Variants in SPPL3 observed in about 807,000 individuals in gnomAD.
SPPL3 encodes signal peptide peptidase like 3, also known as signal peptide peptidase-like 3.
Under a neutral mutation model 42.4 loss-of-function variants are expected in SPPL3, and 5 were observed. The observed-to-expected ratio is 0.12, with a 90% CI of 0.06 to 0.25. The LOEUF (loss-of-function observed/expected upper bound fraction) is 0.25, where lower values mean the gene tolerates loss of function less well. Ranked by LOEUF, SPPL3 falls within the 10% of genes least tolerant of loss-of-function variation. The probability of loss-of-function intolerance (pLI) is 1.00; values close to 1 mark genes in which losing one functional copy is unlikely to be tolerated. For synonymous variants in SPPL3, 195 were observed against 181.8 expected (o/e 1.07, Z -0.58); for missense variants, 235 against 489.0 (o/e 0.48, Z 4.90).
chr12:120,767,152 T>C (rs1280715534), intron 9 of SPPL3, among the ~76,000 whole-genome samples: 2 of 152,244 alleles, frequency 1.3e-5, no homozygotes, highest in Non-Finnish European at 2.9e-5. Context: ...GTGCTGTGTG[T>C]CCTTGGCTTT....
chr12:120,836,452 G>A (rs1871623960), intron 1 of SPPL3, among the ~76,000 whole-genome samples: 1 of 152,118 alleles, frequency 6.6e-6, no homozygotes, highest in South Asian at 2.1e-4. Flanking sequence ...TCAACAAAAA[G>A]CCAGTACCAA....
intron 3 of SPPL3, among the ~76,000 whole-genome samples, chr12:120,788,270 G>A (rs1448431804): frequency 1.3e-5 from 2 of 152,120 alleles, no homozygotes; most frequent in African/African-American, 4.8e-5. Flanking sequence ...GCTTTCTAAT[G>A]AGTTGAGTGC....
chr12:120,811,934 A>T (rs774462286), intron 1 of SPPL3, among the ~76,000 whole-genome samples: 7 of 152,288 alleles, frequency 4.6e-5, no homozygotes, highest in East Asian at 1.9e-4. Context: ...ATGATAATGT[A>T]TATTAGGTAG....
chr12:120,836,711 T>C (rs1249224942), intron 1 of SPPL3, among the ~76,000 whole-genome samples: 2 of 152,274 alleles, frequency 1.3e-5, no homozygotes, highest in African/African-American at 4.8e-5. Flanking sequence ...GGGATATGCT[T>C]ACAAAAGGGC....
At chr12:120,829,213 C>T (rs777059606) in intron 1 of SPPL3, among the ~76,000 whole-genome samples, 4 of 152,138 alleles carry the variant, frequency 2.6e-5, no homozygotes, top group South Asian at 2.1e-4. Context: ...ACAGAAAAAT[C>T]TTTGTGACAT....
At chr12:120,814,875 A>G (rs1277716194) in intron 1 of SPPL3, among the ~76,000 whole-genome samples, 1 of 152,170 alleles carries the variant, frequency 6.6e-6, no homozygotes, top group East Asian at 1.9e-4. Context: ...CCCTTTTACA[A>G]TATAGCCTAG....
At position 120,822,392 on chromosome 12, in the gene SPPL3, C is replaced by A. The variant is rs1871098749; in HGVS notation, c.24-11506G>T. ...AAAGATTATTCCCTGCCATTTAATG[C>A]TGATAATAGTTTTAGAAATGATTCT... On this transcript the variant is annotated intron_variant, in intron 1 of 10. Transcript: ENST00000353487. Among the ~76,000 whole-genome samples the A allele has an allele frequency of 2.0e-5, 3 of 152,138 alleles. No homozygotes were observed. The South Asian group carries it at 6.2e-4, about 32-fold the overall frequency.
At chr12:120,852,127 C>T (rs1272431184) in intron 1 of SPPL3, among the ~76,000 whole-genome samples, 5 of 151,750 alleles carry the variant, frequency 3.3e-5, no homozygotes, top group South Asian at 2.1e-4. Flanking sequence ...TGCAGGCCTG[C>T]GCTCCTCACA....
intron 1 of SPPL3, among the ~76,000 whole-genome samples, chr12:120,815,769 C>A (rs565518843): frequency 1.3e-5 from 2 of 152,162 alleles, no homozygotes; most frequent in South Asian, 4.2e-4. Flanking sequence ...CTCTGTCGCC[C>A]AGTCTGGAGT....
In SPPL3 at chr12:120,852,799, T is replaced by TAC. The variant is rs1872291197; in HGVS notation, c.24-41914_24-41913insGT. Among the ~76,000 whole-genome samples the TAC allele has an allele frequency of 1.6e-4, 16 of 100,278 alleles. 2 individuals carry two copies. The highest frequency in any genetic ancestry group is 2.7e-4 in the Non-Finnish European group (13 of 47,650). The allele number at this position is 100,278 out of a possible 152,430, so 65.8% of individuals were successfully genotyped here. On this transcript the variant is annotated intron_variant, in intron 1 of 10. Transcript: ENST00000353487. Reference sequence around the variant, plus strand: ...TATAAAATATATTTCATATATCATATATACATATATGAAATATATATTTCA... The same window carrying TAC: ...TATAAAATATATTTCATATATCATATACATACATATATGAAATATATATTTCA...
chr12:120,861,224 A>C (rs1872609095), intron 1 of SPPL3, among the ~76,000 whole-genome samples: 2 of 152,200 alleles, frequency 1.3e-5, no homozygotes, highest in Non-Finnish European at 2.9e-5. Flanking sequence ...GCATGAAAGC[A>C]GCCATAGATG....
intron 2 of SPPL3, 146 bp downstream of exon 2, chr12:120,810,663 A>T: frequency 1.5e-6 from 1 of 666,922 alleles, no homozygotes; most frequent in South Asian, 1.9e-5. Flanking sequence ...CAATTAAAGA[A>T]CAAATAGCAG....
chr12:120,768,840 G>C (rs974923854), intron 7 of SPPL3, 113 bp downstream of exon 7: 3 of 864,552 alleles, frequency 3.5e-6, no homozygotes, highest in African/African-American at 1.7e-5. Flanking sequence ...GAGAGAGAGT[G>C]ATCAGCAGCT....
chr12:120,846,764 G>A (rs886079083), intron 1 of SPPL3, among the ~76,000 whole-genome samples: 1 of 152,162 alleles, frequency 6.6e-6, no homozygotes, highest in Non-Finnish European at 1.5e-5. Context: ...GTCATGTTTT[G>A]AGCATTTAGT....
At chr12:120,784,654 C>A (rs985869686) in intron 3 of SPPL3, 61 bp from the exon 4 acceptor site, 2 of 1,378,578 alleles carry the variant, frequency 1.5e-6, no homozygotes, top group Admixed American at 4.6e-5. Context: ...TGCCTATGCA[C>A]TTCATATACA....
At chr12:120,884,101 CA>C (rs33918080) in intron 1 of SPPL3, among the ~76,000 whole-genome samples, 43,157 of 123,758 alleles carry the variant, frequency 0.35, 6,626 homozygotes, top group East Asian at 0.41. Context: ...AACTATGTCT[CA>C]AAAAAAAAAA....
intron 1 of SPPL3, among the ~76,000 whole-genome samples, chr12:120,864,008 A>G (rs999131068): frequency 3.3e-5 from 5 of 152,022 alleles, no homozygotes; most frequent in Non-Finnish European, 5.9e-5. Context: ...GTTAGCTCCA[A>G]TGTAAAATCT....
At chr12:120,880,605 G>A (rs1055078155) in intron 1 of SPPL3, among the ~76,000 whole-genome samples, 4 of 151,774 alleles carry the variant, frequency 2.6e-5, no homozygotes, top group Non-Finnish European at 4.4e-5. Flanking sequence ...TGGCTAACAC[G>A]GTGAAACCCA....
rs536389223 is a variant in SPPL3, at chr12:120,821,197, G to A, written c.24-10311C>T. 5.3e-5 allele frequency among the ~76,000 whole-genome samples: 8 copies of A among 151,432 alleles called. No homozygotes were observed. The East Asian group carries it at 5.8e-4, about 11-fold the overall frequency. ...GATAGATAAGAAAGGATTTATTGCC[G>A]GGGGCGGGGAGAGGGATTGAAACAG... On this transcript the variant is annotated intron_variant, in intron 1 of 10. Coordinates refer to ENST00000353487, the MANE Select transcript of SPPL3 (RefSeq NM_139015.5).
Sources: allele counts gnomAD v4.1 joint callset (sites outside exome capture counted in the v4.1 genomes callset), GRCh38; gene constraint gnomAD v4.1.1; transcripts MANE v1.5; gene names NCBI Gene and HGNC (gene_info 2026-07-23, HGNC 2026-07-21).